The following FRYL variants were observed in gnomAD, a reference collection of about 807,000 sequenced individuals.
FRYL encodes FRY like transcription coactivator.
FRYL carries 150 observed loss-of-function variants against 351.2 expected under a neutral mutation model. That is an observed-to-expected ratio of 0.43 (90% confidence interval 0.37 to 0.49). The LOEUF (loss-of-function observed/expected upper bound fraction) is 0.49, where lower values mean the gene tolerates loss of function less well. FRYL is among the 20% of genes least tolerant of loss of function. The pLI is 0.00. For missense variants in FRYL, 3,036 were observed against 3,619.3 expected, an observed-to-expected ratio of 0.84 and a Z score of 4.13; for synonymous variants, 1,153 against 1,257.1, an observed-to-expected ratio of 0.92 and a Z score of 1.75.
chr4:48,518,183 T>C (rs1186832844), intron 55 of FRYL, among the ~76,000 whole-genome samples: 1 of 151,954 alleles, frequency 6.6e-6, no homozygotes, highest in African/African-American at 2.4e-5. Context: ...GTGTGATCTA[T>C]GGTGTGATCC....
At chr4:48,680,768 T>G (rs1764485417) in intron 3 of FRYL, among the ~76,000 whole-genome samples, 1 of 152,148 alleles carries the variant, frequency 6.6e-6, no homozygotes, top group Admixed American at 6.6e-5. Flanking sequence ...GAAGAAAAAT[T>G]TTATTAAAAA....
rs527403236 is a variant in FRYL, at chr4:48,774,008, T to G, written c.-384+6070A>C. Reference sequence around the variant, plus strand: ...TGTACTTGAATCTATTTACAGTACTTACACACATTGAGAGGGATCAAGTTA... The same window carrying G: ...TGTACTTGAATCTATTTACAGTACTGACACACATTGAGAGGGATCAAGTTA... On this transcript the variant is annotated intron_variant, in intron 1 of 63. Transcript: ENST00000358350. Among the ~76,000 whole-genome samples, 6 of 152,336 alleles carry G rather than the reference T, an allele frequency of 3.9e-5. 1 individual carries two copies. Among genetic ancestry groups the G allele is most frequent in the African/African-American group, 1.4e-4 (6 of 41,548 alleles).
At position 48,543,967 on chromosome 4, in the gene FRYL, T is replaced by C; in HGVS notation, c.5432A>G (p.Glu1811Gly). 1 of 1,613,742 alleles carries C rather than the reference T, an allele frequency of 6.2e-7. No individual in the cohort carries two copies. Among genetic ancestry groups the C allele is most frequent in the Non-Finnish European group, 8.5e-7 (1 of 1,179,754 alleles). Residue 1811 changes from glutamate (E) to glycine (G), a missense_variant, in exon 44 of 64, where the codon GAA (glutamate) becomes GGA (glycine). Glu to Gly is a moderately conservative substitution (Grantham distance 98). This residue lies in a region of FRYL where 1,987 missense variants were observed against 2,311.7 expected (regional missense o/e 0.86). Transcript: ENST00000358350. ...GGAAAGTGCTGTTTGCAGAGCAACT[T>C]CACTAAGATGATGTTCCAGATGAAT... The part of the protein sequence containing the change: ...EGIHLEHHLS[E>G]VALQTALSCS...
At chr4:48,761,875 T>C (rs1774454673) in intron 1 of FRYL, among the ~76,000 whole-genome samples, 1 of 152,160 alleles carries the variant, frequency 6.6e-6, no homozygotes, top group African/African-American at 2.4e-5. Flanking sequence ...ATGACAAAAG[T>C]CACTAAGGAC....
At position 48,564,242 on chromosome 4, in the gene FRYL, C is replaced by T. The variant is rs200836870; in HGVS notation, c.3442-140G>A. 4.1e-6 allele frequency: 4 copies of T among 967,164 alleles called. No individual in the cohort carries two copies. The African/African-American group carries it at 5.1e-5, about 12-fold the overall frequency. The allele number at this position is 967,164 out of a possible 1,614,324, so 59.9% of individuals were successfully genotyped here. On this transcript the variant is annotated intron_variant, in intron 30 of 63. Coordinates refer to ENST00000358350, the MANE Select transcript of FRYL (RefSeq NM_015030.2). The stretch of plus-strand genomic sequence containing the variant: ...ATTCCATCTCCTTTTGTTCACCTCC[C>T]TCTCATTTTATTCAGCCAGCAGAAA...
chr4:48,712,439 G>A lies in FRYL; in HGVS notation c.-383-1741C>T, dbSNP rs543005280. 1.1e-4 allele frequency among the ~76,000 whole-genome samples: 16 copies of A among 152,296 alleles called. No homozygotes were observed. In the East Asian group the frequency reaches 1.7e-3, roughly 16 times the overall value. ...GAAGAATGCAGAAGCCTCAAGAGCC[G>A]ATGCGATCAACTGGAAGAAAGGGTA... On this transcript the variant is annotated intron_variant, in intron 1 of 63. Transcript: ENST00000358350.
At chr4:48,751,163 AAAG>A (rs1260797681) in intron 1 of FRYL, among the ~76,000 whole-genome samples, 1 of 152,192 alleles carries the variant, frequency 6.6e-6, no homozygotes, top group Non-Finnish European at 1.5e-5. Context: ...ATCCCAAATA[AAAG>A]AAGATCAGTA....
chr4:48,774,298 ACT>A (rs1425586845), intron 1 of FRYL, among the ~76,000 whole-genome samples: 1 of 152,128 alleles, frequency 6.6e-6, no homozygotes, highest in African/African-American at 2.4e-5. Context: ...TAAAATTTTA[ACT>A]CTTCACAAAA....
At chr4:48,579,491 A>G (rs1466046433) in intron 22 of FRYL, among the ~76,000 whole-genome samples, 1 of 152,144 alleles carries the variant, frequency 6.6e-6, no homozygotes, top group African/African-American at 2.4e-5. Context: ...TAAACCAAAG[A>G]AGTTCAGGAC....
chr4:48,775,637 C>A (rs1453829363), intron 1 of FRYL, among the ~76,000 whole-genome samples: 8 of 152,180 alleles, frequency 5.3e-5, no homozygotes, highest in African/African-American at 1.9e-4. Context: ...ATGAACAAAT[C>A]TACATTTCTC....
chr4:48,615,226 TCA>T (rs1749181417), intron 7 of FRYL, among the ~76,000 whole-genome samples: 1 of 152,186 alleles, frequency 6.6e-6, no homozygotes, highest in Non-Finnish European at 1.5e-5. Flanking sequence ...TGACCAATTC[TCA>T]GCACCAAGGA....
chr4:48,590,922 G>T, intron 16 of FRYL, 92 bp from the exon 17 acceptor site: 2 of 932,810 alleles, frequency 2.1e-6, no homozygotes, highest in Non-Finnish European at 3.2e-6. Context: ...CATCAGAGTT[G>T]GGGGGTGGAA....
chr4:48,707,348 A>G (rs190842456), intron 2 of FRYL, among the ~76,000 whole-genome samples: 1 of 152,302 alleles, frequency 6.6e-6, no homozygotes, highest in East Asian at 1.9e-4. Context: ...CTTTTTTAAA[A>G]GGTCTTAAGG....
At chr4:48,513,114 C>T (rs1181622859) in intron 56 of FRYL, among the ~76,000 whole-genome samples, 1 of 152,098 alleles carries the variant, frequency 6.6e-6, no homozygotes, top group Non-Finnish European at 1.5e-5. Context: ...TTAGGGGCCT[C>T]ATATGGATAA....
intron 1 of FRYL, among the ~76,000 whole-genome samples, chr4:48,767,418 T>C (rs1345041072): frequency 1.3e-5 from 2 of 152,178 alleles, no homozygotes; most frequent in South Asian, 4.2e-4. Flanking sequence ...GACATGAGAT[T>C]TGGGTGGGGA....
chr4:48,702,662 G>T (rs1766881220), intron 2 of FRYL, among the ~76,000 whole-genome samples: 1 of 148,172 alleles, frequency 6.7e-6, no homozygotes, highest in Non-Finnish European at 1.5e-5. Context: ...ACTCGTAGAG[G>T]CTGAAGCAGA....
Position 48,602,005 on chromosome 4 carries a change from G to A in FRYL, c.1035+15C>T, listed in dbSNP as rs1204913667. On this transcript the variant is annotated intron_variant, in intron 13 of 63. Transcript: ENST00000358350. Reference sequence around the variant, plus strand: ...CAGTCAGTATTTACATATCAGAAGTGTGATTACATCTTACCTTTAAATGTG... The same window carrying A: ...CAGTCAGTATTTACATATCAGAAGTATGATTACATCTTACCTTTAAATGTG... 1.5e-6 allele frequency: 2 copies of A among 1,365,796 alleles called. No homozygotes were observed. The allele number at this position is 1,365,796 out of a possible 1,614,324, so 84.6% of individuals were successfully genotyped here.
intron 53 of FRYL, among the ~76,000 whole-genome samples, chr4:48,523,933 A>G (rs2148840017): frequency 6.6e-6 from 1 of 152,324 alleles, no homozygotes. Flanking sequence ...ACAGCCATCA[A>G]AACATAACTG....
chr4:48,760,019 T>A (rs571419066), intron 1 of FRYL, among the ~76,000 whole-genome samples: 1 of 152,300 alleles, frequency 6.6e-6, no homozygotes, highest in East Asian at 1.9e-4. Flanking sequence ...CTCACAACTC[T>A]AAAGGAATTT....
Sources: allele counts gnomAD v4.1 joint callset (sites outside exome capture counted in the v4.1 genomes callset), GRCh38; gene constraint gnomAD v4.1.1; regional missense constraint gnomAD v4.1.1; transcripts MANE v1.5; gene names NCBI Gene and HGNC (gene_info 2026-07-23, HGNC 2026-07-21).